The following DAB1 variants were observed in gnomAD, a reference collection of about 807,000 sequenced individuals.
DAB1 encodes the protein DAB adaptor protein 1.
A neutral mutation model predicts 64.6 loss-of-function variants in DAB1; 15 were observed. The ratio of observed to expected loss-of-function variants is 0.23; its 90% CI spans 0.16 to 0.36. DAB1 has a LOEUF of 0.36. Among genes scored for constraint, DAB1 ranks in the 10% least tolerant of loss-of-function variants. The pLI is 1.00. For missense variants in DAB1, 596 were observed against 706.7 expected (o/e 0.84, Z 1.78); for synonymous variants, 235 against 251.9 (o/e 0.93, Z 0.64).
chr1:58,451,237 A>G (rs822166), intron 3 of DAB1, among the ~76,000 whole-genome samples: 18,347 of 152,152 alleles, frequency 0.12, 1,820 homozygotes, highest in African/African-American at 0.27. Context: ...CGGTAGGCAC[A>G]TGCCATACAC....
chr1:57,375,142 G>A (rs909654332), intron 1 of DAB1, among the ~76,000 whole-genome samples: 1 of 152,124 alleles, frequency 6.6e-6, no homozygotes, highest in Admixed American at 6.5e-5. Flanking sequence ...CCCTAGGATT[G>A]AGCTTCACCC....
intron 6 of DAB1, among the ~76,000 whole-genome samples, chr1:57,808,976 G>C (rs1262664853): frequency 6.6e-6 from 1 of 152,210 alleles, no homozygotes; most frequent in East Asian, 1.9e-4. Context: ...CTCAAGGACA[G>C]ACGCTGCTTC....
downstream of DAB1, among the ~76,000 whole-genome samples, chr1:57,822,404 G>T (rs1436495269): frequency 6.6e-6 from 1 of 152,142 alleles, no homozygotes; most frequent in South Asian, 2.1e-4. Context: ...CTGGTTAGGG[G>T]GATCACTGGC....
At chr1:57,911,547 T>A (rs1644644718) in intron 5 of DAB1, among the ~76,000 whole-genome samples, 1 of 152,020 alleles carries the variant, frequency 6.6e-6, no homozygotes, top group Admixed American at 6.6e-5. Context: ...TACCAGCCAC[T>A]CCCAATCTCA....
chr1:57,478,052 C>A (rs931266835), intron 7 of DAB1, among the ~76,000 whole-genome samples: 10 of 147,282 alleles, frequency 6.8e-5, no homozygotes, highest in African/African-American at 2.0e-4. Flanking sequence ...TCCCTCCCCC[C>A]GCCCCCGACC....
intron 2 of DAB1, among the ~76,000 whole-genome samples, chr1:58,514,723 A>G (rs574354965): frequency 2.6e-5 from 4 of 152,328 alleles, no homozygotes; most frequent in East Asian, 1.9e-4. Context: ...TGAGGCTGTT[A>G]TAAGATGTAA....
chr1:57,146,867 C>T (rs764658242), intron 2 of DAB1, among the ~76,000 whole-genome samples: 12 of 152,084 alleles, frequency 7.9e-5, no homozygotes, highest in East Asian at 3.9e-4. Context: ...AGGTCCCTCT[C>T]GTAAGTCAAC....
intron 4 of DAB1, among the ~76,000 whole-genome samples, chr1:58,180,281 CTTTTTTTTTTT>C (rs869204611): frequency 1.3e-4 from 8 of 61,002 alleles, no homozygotes; most frequent in African/African-American, 5.0e-4. Context: ...TTTTTCTTTT[CTTTTTTTTTTT>C]TTTTTTTTTT....
intron 4 of DAB1, among the ~76,000 whole-genome samples, chr1:58,218,429 GTTT>G (rs1658972075): frequency 6.6e-6 from 1 of 152,172 alleles, no homozygotes; most frequent in Non-Finnish European, 1.5e-5. Context: ...GGAGCAGAAA[GTTT>G]CTGGGACATT....
chr1:58,522,964 A>G (rs1646290637), intron 2 of DAB1, among the ~76,000 whole-genome samples: 1 of 152,208 alleles, frequency 6.6e-6, no homozygotes, highest in East Asian at 1.9e-4. Flanking sequence ...AAAGGCAGGC[A>G]TAATCAGTGT....
Position 58,246,865 on chromosome 1 carries a change from AGTGTGTAG to A in DAB1, n.310-96285_310-96278del, listed in dbSNP as rs1430611630. Reference sequence around the variant, plus strand: ...GTGAAGGTGTGTGTGTATGTGCATAAGTGTGTAGGTGTGTGGGTGTGAGGGTAGTGTGT... The same window carrying A: ...GTGAAGGTGTGTGTGTATGTGCATAAGTGTGTGGGTGTGAGGGTAGTGTGT... On this transcript the variant is annotated intron_variant and non_coding_transcript_variant, in intron 4 of 20. Transcript: ENST00000485760. Among the ~76,000 whole-genome samples the A allele has an allele frequency of 2.6e-5, 4 of 151,796 alleles. No homozygotes were observed. In the East Asian group the frequency reaches 7.8e-4, roughly 29 times the overall value.
At chr1:57,893,689 T>C (rs1644350792) in intron 5 of DAB1, among the ~76,000 whole-genome samples, 1 of 152,038 alleles carries the variant, frequency 6.6e-6, no homozygotes. Context: ...TAGTCAGACA[T>C]AAACAGGGCA....
intron 2 of DAB1, among the ~76,000 whole-genome samples, chr1:57,212,045 G>A (rs1201607035): frequency 1.3e-5 from 2 of 152,126 alleles, no homozygotes; most frequent in African/African-American, 4.8e-5. Context: ...TGCTACAATA[G>A]ACCTCTACAC....
intron 7 of DAB1, among the ~76,000 whole-genome samples, chr1:57,499,028 T>G (rs1300400801): frequency 1.3e-5 from 2 of 152,136 alleles, no homozygotes; most frequent in Non-Finnish European, 2.9e-5. Context: ...CAGGCTGGGG[T>G]GCAGTGGCGT....
At chr1:57,648,164 G>C (rs1646215890) in intron 7 of DAB1, among the ~76,000 whole-genome samples, 1 of 152,160 alleles carries the variant, frequency 6.6e-6, no homozygotes, top group Non-Finnish European at 1.5e-5. Flanking sequence ...ATCAAACTCA[G>C]TCCAGCATCA....
intron 7 of DAB1, among the ~76,000 whole-genome samples, chr1:57,598,789 C>T (rs1036962613): frequency 6.6e-6 from 1 of 152,244 alleles, no homozygotes; most frequent in African/African-American, 2.4e-5. Flanking sequence ...GATCGAGTGG[C>T]CAGTTGGTGC....
chr1:57,416,591 G>C (rs1339200199), intron 1 of DAB1, among the ~76,000 whole-genome samples: 1 of 152,082 alleles, frequency 6.6e-6, no homozygotes, highest in African/African-American at 2.4e-5. Context: ...ACTTTCAACA[G>C]ATAATTATTA....
chr1:57,174,946 T>C (rs193229098), intron 2 of DAB1, among the ~76,000 whole-genome samples: 398 of 152,282 alleles, frequency 2.6e-3, no homozygotes, highest in Admixed American at 4.1e-3. Flanking sequence ...AAAAATGAAG[T>C]TCAAGTTCAA....
intron 1 of DAB1, among the ~76,000 whole-genome samples, chr1:58,543,709 A>G (rs939068701): frequency 6.6e-6 from 1 of 152,238 alleles, no homozygotes; most frequent in Non-Finnish European, 1.5e-5. Flanking sequence ...TCTTTAAAAG[A>G]TTTAAAAGAT....
Sources: gnomAD v4.1 joint callset for allele counts (sites outside exome capture counted in the v4.1 genomes callset) on GRCh38, gnomAD v4.1.1 for gene constraint, MANE v1.5 for transcripts, NCBI Gene and HGNC (gene_info 2026-07-23, HGNC 2026-07-21) for gene names.